Variants in DPP6 observed in about 807,000 individuals in gnomAD.
DPP6 encodes the protein dipeptidyl peptidase like 6.
A neutral mutation model predicts 122.6 loss-of-function variants in DPP6; 69 were observed. The ratio of observed to expected loss-of-function variants is 0.56; its 90% confidence interval spans 0.46 to 0.69. The LOEUF is 0.69. Ranked by LOEUF, DPP6 falls within the 30% of genes least tolerant of loss-of-function variation. The pLI is 0.00. For synonymous variants in DPP6, 418 were observed against 433.1 expected (o/e 0.97, Z 0.43); for missense variants, 928 against 1,116.9 (o/e 0.83, Z 2.41).
chr7:154,159,558 T>C (rs1481353555), intron 1 of DPP6, among the ~76,000 whole-genome samples: 1 of 152,264 alleles, frequency 6.6e-6, no homozygotes, highest in African/African-American at 2.4e-5. Context: ...AAGGTAATAT[T>C]TATGAGACAC....
At chr7:154,684,633 A>G (rs1839490236) in intron 7 of DPP6, among the ~76,000 whole-genome samples, 1 of 152,180 alleles carries the variant, frequency 6.6e-6, no homozygotes. Context: ...CTTTTCAGCC[A>G]CCACATGGGT....
intron 1 of DPP6, among the ~76,000 whole-genome samples, chr7:154,325,424 C>A (rs1030887554): frequency 2.6e-5 from 4 of 152,146 alleles, no homozygotes; most frequent in African/African-American, 7.2e-5. Context: ...TAATCTTGAG[C>A]CTCAAGTGCC....
chr7:154,696,194 T>C (rs891456594), intron 7 of DPP6, among the ~76,000 whole-genome samples: 12 of 152,212 alleles, frequency 7.9e-5, no homozygotes, highest in African/African-American at 2.9e-4. Context: ...GCTTCCGTTC[T>C]GTGAGAGCTC....
At chr7:153,884,277 C>T (rs38984), upstream of DPP6, among the ~76,000 whole-genome samples, 104,813 of 152,038 alleles carry the variant, frequency 0.69, 36,356 homozygotes, top group African/African-American at 0.77. Flanking sequence ...TTTTTGTCCT[C>T]GCAATAGTTT....
At chr7:154,845,137 T>C (rs1801844910) in intron 16 of DPP6, among the ~76,000 whole-genome samples, 1 of 152,218 alleles carries the variant, frequency 6.6e-6, no homozygotes, top group African/African-American at 2.4e-5. Context: ...ATTCATTCAT[T>C]AACCATTAAT....
At chr7:154,801,679 A>C (rs1002123613) in intron 13 of DPP6, among the ~76,000 whole-genome samples, 7 of 152,116 alleles carry the variant, frequency 4.6e-5, no homozygotes, top group African/African-American at 1.7e-4. Flanking sequence ...GAGAATGTGA[A>C]TGACGCTTCT....
chr7:154,810,309 G>A (rs1368937092), intron 16 of DPP6, among the ~76,000 whole-genome samples: 1 of 152,182 alleles, frequency 6.6e-6, no homozygotes, highest in Non-Finnish European at 1.5e-5. Flanking sequence ...AAATCCAAAA[G>A]GCTCTCCCAG....
chr7:153,769,272 G>A, the DPP6 span, among the ~76,000 whole-genome samples: 1 of 152,006 alleles, frequency 6.6e-6, no homozygotes, highest in African/African-American at 2.4e-5. Context: ...TCTTTATATT[G>A]TGTATATTTA....
intron 5 of DPP6, among the ~76,000 whole-genome samples, chr7:154,578,673 G>A (rs1831845381): frequency 6.6e-6 from 1 of 152,118 alleles, no homozygotes; most frequent in Non-Finnish European, 1.5e-5. Flanking sequence ...GTCTCTCAGT[G>A]ACTTGNCTCT....
At chr7:154,645,601 A>C (rs906613689) in intron 6 of DPP6, among the ~76,000 whole-genome samples, 1 of 152,148 alleles carries the variant, frequency 6.6e-6, no homozygotes, top group Non-Finnish European at 1.5e-5. Context: ...GTCATGAAAC[A>C]GTTCCTTTGC....
At chr7:154,598,283 C>T (rs929999100) in intron 5 of DPP6, among the ~76,000 whole-genome samples, 10 of 152,200 alleles carry the variant, frequency 6.6e-5, no homozygotes, top group Admixed American at 5.9e-4. Flanking sequence ...GCCAAGTCAT[C>T]ACTTCATAAA....
At chr7:154,458,750 T>A (rs1168392370) in intron 2 of DPP6, among the ~76,000 whole-genome samples, 6 of 152,194 alleles carry the variant, frequency 3.9e-5, no homozygotes, top group African/African-American at 1.4e-4. Flanking sequence ...AGAACTAGAA[T>A]GCTTAGAAGC....
intron 1 of DPP6, among the ~76,000 whole-genome samples, chr7:154,164,519 G>A (rs1797145338): frequency 6.6e-6 from 1 of 152,012 alleles, no homozygotes; most frequent in Admixed American, 6.6e-5. Flanking sequence ...ATGATTAGAT[G>A]GTTTTTAGTA....
intron 8 of DPP6, among the ~76,000 whole-genome samples, chr7:154,748,396 C>A (rs1843138475): frequency 6.6e-6 from 1 of 152,208 alleles, no homozygotes; most frequent in African/African-American, 2.4e-5. Context: ...ACAGCCGTTA[C>A]CCTTCCCCTC....
chr7:154,005,622 G>A (rs2129047162), intron 1 of DPP6, among the ~76,000 whole-genome samples: 1 of 151,488 alleles, frequency 6.6e-6, no homozygotes, highest in African/African-American at 2.4e-5. Context: ...AGCTGGCCCA[G>A]AGGCAGGTGA....
chr7:153,817,354 A>G, the DPP6 span, among the ~76,000 whole-genome samples: 1 of 141,262 alleles, frequency 7.1e-6, no homozygotes, highest in Non-Finnish European at 1.6e-5. Flanking sequence ...AAAAGTAGTC[A>G]TTTTTCTCAG....
intron 1 of DPP6, among the ~76,000 whole-genome samples, chr7:154,143,959 C>T (rs1001181982): frequency 2.6e-5 from 4 of 152,060 alleles, no homozygotes; most frequent in African/African-American, 9.7e-5. Flanking sequence ...ATTTTTAATA[C>T]ATATGAGGTG....
chr7:154,765,100 G>A (rs139278789), intron 8 of DPP6, among the ~76,000 whole-genome samples: 36 of 152,284 alleles, frequency 2.4e-4, no homozygotes, highest in African/African-American at 8.4e-4. Context: ...ATATGAATGA[G>A]ATCATTCGGC....
At chr7:153,791,335 T>C in the DPP6 span, among the ~76,000 whole-genome samples, 1 of 151,970 alleles carries the variant, frequency 6.6e-6, no homozygotes, top group African/African-American at 2.4e-5. Context: ...AGTGCACAAA[T>C]CCATACCTAT....
Sources: gnomAD v4.1 joint callset for allele counts (sites outside exome capture counted in the v4.1 genomes callset) on GRCh38, gnomAD v4.1.1 for gene constraint, MANE v1.5 for transcripts, NCBI Gene and HGNC (gene_info 2026-07-23, HGNC 2026-07-21) for gene names.